The following KDM7A variants were observed in gnomAD, a reference collection of about 807,000 sequenced individuals.
KDM7A encodes lysine-specific demethylase 7A.
Under a neutral mutation model 114.8 loss-of-function variants are expected in KDM7A, and 28 were observed. That is an observed-to-expected ratio of 0.24 (90% CI 0.18 to 0.33). The LOEUF is 0.33. Ranked by LOEUF, KDM7A falls within the 10% of genes least tolerant of loss-of-function variation. The pLI is 1.00. For missense variants in KDM7A, 942 were observed against 1,142.5 expected (o/e 0.82, Z 2.53); for synonymous variants, 423 against 397.8 (o/e 1.06, Z -0.75).
At chr7:140,162,879 T>C (rs1013474305) in intron 1 of KDM7A, among the ~76,000 whole-genome samples, 2 of 152,266 alleles carry the variant, frequency 1.3e-5, no homozygotes, top group East Asian at 1.9e-4. Flanking sequence ...ATCCACAGAA[T>C]AGAATTCTAT....
chr7:140,114,500 C>T lies in KDM7A; in HGVS notation c.1247-918G>A, dbSNP rs564415782. ...TGTTGCCCAGGCTGGAGTGCAGTGGCGTGATCTCGGCTCGCTACAACCTCC... is the reference window on the plus strand; with the variant it reads ...TGTTGCCCAGGCTGGAGTGCAGTGGTGTGATCTCGGCTCGCTACAACCTCC... On this transcript the variant is annotated intron_variant, in intron 9 of 19. Coordinates refer to ENST00000397560, the MANE Select transcript of KDM7A (RefSeq NM_030647.2). 3.9e-5 allele frequency among the ~76,000 whole-genome samples: 6 copies of T among 152,264 alleles called. No individual in the cohort carries two copies. In the East Asian group the frequency reaches 7.7e-4, roughly 20 times the overall value.
intron 6 of KDM7A, 57 bp downstream of exon 6, chr7:140,126,580 A>G (rs1818707661): frequency 2.7e-6 from 3 of 1,119,690 alleles, no homozygotes. Flanking sequence ...TATACCACTG[A>G]AAAACTAGGG....
chr7:140,115,402 T>G (rs1818509983), intron 9 of KDM7A, among the ~76,000 whole-genome samples: 1 of 152,220 alleles, frequency 6.6e-6, no homozygotes, highest in South Asian at 2.1e-4. Context: ...TTGCTGTGTC[T>G]GTGTAGAAAG....
At chr7:140,110,707 C>CTCCA (rs1184925545) in intron 11 of KDM7A, among the ~76,000 whole-genome samples, 1 of 152,198 alleles carries the variant, frequency 6.6e-6, no homozygotes, top group East Asian at 1.9e-4. Flanking sequence ...TCATCCCTCT[C>CTCCA]TCCATCTCAG....
chr7:140,156,284 A>G (rs1238480943), intron 1 of KDM7A, among the ~76,000 whole-genome samples: 1 of 152,242 alleles, frequency 6.6e-6, no homozygotes, highest in Non-Finnish European at 1.5e-5. Flanking sequence ...TACATTTTGC[A>G]CACAGACATA....
chr7:140,168,887 C>G (rs1794607641), intron 1 of KDM7A, among the ~76,000 whole-genome samples: 1 of 151,980 alleles, frequency 6.6e-6, no homozygotes, highest in Non-Finnish European at 1.5e-5. Context: ...AAAAAAGTTA[C>G]AAGTAAGGAA....
At chr7:140,127,382 C>CA in intron 5 of KDM7A, 60 bp downstream of exon 5, 1 of 1,389,874 alleles carries the variant, frequency 7.2e-7, no homozygotes, top group East Asian at 2.3e-5. Flanking sequence ...ATAAATACAT[C>CA]ATTACACTAC....
rs989350719 is a variant in KDM7A at position 140,136,965 on chromosome 7, C to T, written c.280+2140G>A. Among the ~76,000 whole-genome samples the T allele has an allele frequency of 6.0e-5, 9 of 149,244 alleles. No individual in the cohort carries two copies. In the South Asian group the frequency reaches 6.3e-4, roughly 10 times the overall value. The stretch of plus-strand genomic sequence containing the variant: ...CTGTGCCACTGCACTCCAGCCTGGG[C>T]GACAGCACAAGACTCCGTCTCAAAA... On this transcript the variant is annotated intron_variant, in intron 2 of 19. Coordinates refer to ENST00000397560, the MANE Select transcript of KDM7A (RefSeq NM_030647.2).
intron 7 of KDM7A, among the ~76,000 whole-genome samples, chr7:140,121,076 G>A (rs1056142824): frequency 2.6e-5 from 4 of 152,178 alleles, no homozygotes; most frequent in Admixed American, 2.6e-4. Flanking sequence ...TCAGTGCCCC[G>A]AAAGGACTAA....
At chr7:140,135,929 T>A (rs1157994709) in intron 2 of KDM7A, among the ~76,000 whole-genome samples, 1 of 150,608 alleles carries the variant, frequency 6.6e-6, no homozygotes, top group Non-Finnish European at 1.5e-5. Context: ...AGGCAGCCCA[T>A]TTGATAGGTA....
At chr7:140,100,480 C>G (rs995122516) in intron 12 of KDM7A, among the ~76,000 whole-genome samples, 1 of 151,594 alleles carries the variant, frequency 6.6e-6, no homozygotes, top group African/African-American at 2.4e-5. Flanking sequence ...GGTCACCATG[C>G]GACATAAAGG....
At chr7:140,153,942 G>A (rs1794429726) in intron 1 of KDM7A, among the ~76,000 whole-genome samples, 1 of 152,126 alleles carries the variant, frequency 6.6e-6, no homozygotes, top group Non-Finnish European at 1.5e-5. Flanking sequence ...AGGCAAGGAG[G>A]CAGCAAAACA....
chr7:140,143,434 T>C (rs887885180), intron 1 of KDM7A, among the ~76,000 whole-genome samples: 4 of 152,160 alleles, frequency 2.6e-5, no homozygotes, highest in Admixed American at 2.6e-4. Flanking sequence ...GATTAAACTG[T>C]AGATTTATGT....
At chr7:140,108,065 G>A (rs901852996) in intron 11 of KDM7A, among the ~76,000 whole-genome samples, 4 of 152,062 alleles carry the variant, frequency 2.6e-5, no homozygotes, top group Non-Finnish European at 4.4e-5. Context: ...TGATCAAATC[G>A]GCTACCGAAG....
At chr7:140,131,226 CCTCT>C (rs919551472) in intron 3 of KDM7A, among the ~76,000 whole-genome samples, 2 of 151,988 alleles carry the variant, frequency 1.3e-5, no homozygotes, top group Non-Finnish European at 2.9e-5. Context: ...CTCCAGTTGC[CCTCT>C]CTGATGATCA....
At chr7:140,151,573 C>G (rs1794400900) in intron 1 of KDM7A, among the ~76,000 whole-genome samples, 1 of 152,012 alleles carries the variant, frequency 6.6e-6, no homozygotes, top group Non-Finnish European at 1.5e-5. Flanking sequence ...ATGTCCATAC[C>G]TTTTTCAATG....
chr7:140,140,370 A>T (rs1483739528), intron 1 of KDM7A, among the ~76,000 whole-genome samples: 1 of 152,260 alleles, frequency 6.6e-6, no homozygotes, highest in Non-Finnish European at 1.5e-5. Context: ...ATGTTTGATT[A>T]AAAAGTAAAT....
intron 2 of KDM7A, among the ~76,000 whole-genome samples, chr7:140,137,732 A>G (rs1818894642): frequency 6.6e-6 from 1 of 152,260 alleles, no homozygotes; most frequent in East Asian, 1.9e-4. Context: ...GGTAGCTTAA[A>G]TTTTTAAGTA....
chr7:140,175,576 T>C (rs540201631), intron 1 of KDM7A, among the ~76,000 whole-genome samples: 1 of 152,290 alleles, frequency 6.6e-6, no homozygotes, highest in African/African-American at 2.4e-5. Flanking sequence ...CAACCCCAAC[T>C]AGTTTCTTTG....
Sources: gnomAD v4.1 joint callset for allele counts (sites outside exome capture counted in the v4.1 genomes callset) on GRCh38, gnomAD v4.1.1 for gene constraint, MANE v1.5 for transcripts, NCBI Gene and HGNC (gene_info 2026-07-23, HGNC 2026-07-21) for gene names.